TAF4B: variants seen among roughly 807,000 people sequenced by gnomAD.
The protein encoded by TAF4B is transcription initiation factor TFIID subunit 4B.
A neutral mutation model predicts 86.4 loss-of-function variants in TAF4B; 38 were observed. The observed-to-expected ratio is 0.44, with a 90% CI of 0.34 to 0.58. The LOEUF (loss-of-function observed/expected upper bound fraction) is 0.58, where lower values mean the gene tolerates loss of function less well. Among genes scored for constraint, TAF4B ranks in the 20% least tolerant of loss-of-function variants. TAF4B has a pLI of 0.02. For synonymous variants in TAF4B, 388 were observed against 391.2 expected (o/e 0.99, Z 0.10); for missense variants, 988 against 1,027.6 (o/e 0.96, Z 0.53).
chr18:26,346,795 ATATGTGTATATATATATATATGTGTGTG>A (rs1567913761), intron 13 of TAF4B, among the ~76,000 whole-genome samples: 10 of 25,058 alleles, frequency 4.0e-4, no homozygotes, highest in African/African-American at 9.5e-4. Flanking sequence ...ATATATATAT[ATATGTGTATATATATATATATGTGTGTG>A]TATATATATA....
chr18:26,352,536 A>G (rs1791745), intron 13 of TAF4B, among the ~76,000 whole-genome samples: 72,268 of 151,838 alleles, frequency 0.48, 20,144 homozygotes, highest in East Asian at 0.82. Context: ...AAAGGAAAAA[A>G]CAAAGAAGAG....
chr18:26,244,808 G>A (rs1022029398), intron 1 of TAF4B, among the ~76,000 whole-genome samples: 1 of 152,204 alleles, frequency 6.6e-6, no homozygotes, highest in African/African-American at 2.4e-5. Flanking sequence ...GGAGAAGAGA[G>A]GTGGGAGGAA....
chr18:26,251,178 G>A (rs1032859220), intron 1 of TAF4B, among the ~76,000 whole-genome samples: 3 of 152,118 alleles, frequency 2.0e-5, no homozygotes, highest in South Asian at 4.1e-4. Flanking sequence ...TGGGAGGCAC[G>A]TTTGGTTCCA....
intron 1 of TAF4B, among the ~76,000 whole-genome samples, chr18:26,236,408 A>C (rs12966472): frequency 7.2e-5 from 11 of 152,086 alleles, no homozygotes; most frequent in Non-Finnish European, 1.6e-4. Context: ...TCAATGGTTA[A>C]ACTTACCTGG....
intron 6 of TAF4B, among the ~76,000 whole-genome samples, chr18:26,285,222 G>GTTTTTTTTTTTTGTTTTTTTT (rs2056501259): frequency 4.4e-5 from 2 of 45,680 alleles, no homozygotes; most frequent in African/African-American, 6.3e-5. Flanking sequence ...TTTTTTTTTT[G>GTTTTTTTTTTTTGTTTTTTTT]TTTTTTTTTT....
At chr18:26,340,754 A>G (rs969649474) in intron 13 of TAF4B, among the ~76,000 whole-genome samples, 2 of 152,236 alleles carry the variant, frequency 1.3e-5, no homozygotes, top group Non-Finnish European at 2.9e-5. Flanking sequence ...AGGATGAGAA[A>G]GAAGGGGGGC....
At chr18:26,358,441 T>A (rs535197205) in intron 14 of TAF4B, among the ~76,000 whole-genome samples, 4 of 152,318 alleles carry the variant, frequency 2.6e-5, no homozygotes, top group South Asian at 2.1e-4. Context: ...CCGGGCGAGG[T>A]GGCTCACGCC....
At chr18:26,307,919 G>A (rs184337956) in intron 9 of TAF4B, among the ~76,000 whole-genome samples, 188 of 152,202 alleles carry the variant, frequency 1.2e-3, no homozygotes, top group African/African-American at 4.4e-3. Flanking sequence ...AGACCAGCCT[G>A]ACCAACGTGG....
chr18:26,325,415 G>T (rs1020983609), intron 11 of TAF4B, among the ~76,000 whole-genome samples: 1 of 152,164 alleles, frequency 6.6e-6, no homozygotes, highest in African/African-American at 2.4e-5. Flanking sequence ...GGCCAGCTGG[G>T]TATATAGGAA....
chr18:26,306,309 T>C (rs1250749867), intron 9 of TAF4B, among the ~76,000 whole-genome samples: 2 of 152,198 alleles, frequency 1.3e-5, no homozygotes, highest in African/African-American at 4.8e-5. Context: ...TATGACATGG[T>C]CTTTCATATA....
chr18:26,242,096 T>C (rs1453662287), intron 1 of TAF4B, among the ~76,000 whole-genome samples: 2 of 152,226 alleles, frequency 1.3e-5, no homozygotes, highest in African/African-American at 2.4e-5. Context: ...AGATGTCTAT[T>C]AGGCCTGCTT....
In TAF4B at chr18:26,315,095, ACT is replaced by A. The variant is rs58691265; in HGVS notation, c.1833-85_1833-84del. On this transcript the variant is annotated intron_variant, in intron 9 of 14. Coordinates refer to ENST00000269142, the MANE Select transcript of TAF4B (RefSeq NM_005640.3). ...ACCTCTAATTCTTTTGCTCTCTGAAACTCTCTCTCTCTCTCTCTCTCTCTCTC... is the reference window on the plus strand; with the variant it reads ...ACCTCTAATTCTTTTGCTCTCTGAAACTCTCTCTCTCTCTCTCTCTCTCTC... 971 of 220,188 alleles carry A rather than the reference ACT, an allele frequency of 4.4e-3. 4 individuals carry two copies. The highest frequency in any genetic ancestry group is 0.013 in the African/African-American group (226 of 17,608). 13.6% of individuals were successfully genotyped at this position (220,188 alleles called of 1,614,324 possible).
chr18:26,262,255 G>A (rs894646677), intron 1 of TAF4B, among the ~76,000 whole-genome samples: 1 of 151,636 alleles, frequency 6.6e-6, no homozygotes, highest in Non-Finnish European at 1.5e-5. Context: ...TCCTCCTCCC[G>A]GGAAGATACC....
At chr18:26,341,474 G>A (rs2057135139) in intron 13 of TAF4B, among the ~76,000 whole-genome samples, 1 of 152,062 alleles carries the variant, frequency 6.6e-6, no homozygotes, top group Middle Eastern at 3.2e-3. Context: ...AATAACTGTA[G>A]CACATTTATA....
intron 1 of TAF4B, among the ~76,000 whole-genome samples, chr18:26,233,176 T>C (rs1029795933): frequency 2.0e-5 from 3 of 152,190 alleles, no homozygotes; most frequent in South Asian, 4.1e-4. Context: ...CCCATACTCC[T>C]AAAGTACTTG....
In TAF4B at chr18:26,227,252, C is replaced by G. The variant is rs986737217; in HGVS notation, c.319C>G (p.Pro107Ala). 6.2e-7 allele frequency: 1 copy of G among 1,613,214 alleles called. No individual in the cohort carries two copies. Residue 107 changes from proline to alanine, a missense_variant, in exon 1 of 15, where the codon CCT becomes GCT. Pro to Ala is a conservative substitution (Grantham distance 27, BLOSUM62 -1). Coordinates refer to ENST00000269142, the MANE Select transcript of TAF4B (RefSeq NM_005640.3). The stretch of plus-strand genomic sequence containing the variant: ...CCCCAACACCACGACAATCCAGTTT[C>G]CTGCTAATTTGCAGCTTCCTCCAGG... ...KAPNTTTIQF[P>A]ANLQLPPGTV...
intron 12 of TAF4B, among the ~76,000 whole-genome samples, chr18:26,329,075 T>C (rs1365033483): frequency 6.6e-6 from 1 of 152,062 alleles, no homozygotes; most frequent in African/African-American, 2.4e-5. Context: ...TTCTTTCTTT[T>C]TGAGACAGAG....
intron 14 of TAF4B, among the ~76,000 whole-genome samples, chr18:26,379,679 G>A (rs982373560): frequency 1.3e-5 from 2 of 151,946 alleles, no homozygotes; most frequent in African/African-American, 2.4e-5. Context: ...TGTGTCCTTT[G>A]TATCTTCATA....
At chr18:26,250,209 A>C (rs1321815182) in intron 1 of TAF4B, among the ~76,000 whole-genome samples, 1 of 151,640 alleles carries the variant, frequency 6.6e-6, no homozygotes, top group East Asian at 2.0e-4. Flanking sequence ...AATTATAAAA[A>C]TTTTTGTGCT....
Sources: gnomAD v4.1 joint callset for allele counts (sites outside exome capture counted in the v4.1 genomes callset) on GRCh38, gnomAD v4.1.1 for gene constraint, MANE v1.5 for transcripts, NCBI Gene and HGNC (gene_info 2026-07-23, HGNC 2026-07-21) for gene names.